The following ADAM9 variants were observed in gnomAD, a reference collection of about 807,000 sequenced individuals.
ADAM9 encodes the protein disintegrin and metalloproteinase domain-containing protein 9.
A neutral mutation model predicts 108.1 loss-of-function variants in ADAM9; 54 were observed. The ratio of observed to expected loss-of-function variants is 0.50; its 90% CI spans 0.40 to 0.63. The LOEUF (loss-of-function observed/expected upper bound fraction) is 0.63. Ranked by LOEUF, ADAM9 falls within the 20% of genes least tolerant of loss-of-function variation. The pLI, the probability that ADAM9 is intolerant of heterozygous loss-of-function variation, is 0.00. For missense variants in ADAM9, 830 were observed against 997.7 expected (o/e 0.83, Z 2.26); for synonymous variants, 316 against 336.0 (o/e 0.94, Z 0.65).
intron 14 of ADAM9, among the ~76,000 whole-genome samples, chr8:39,060,802 C>G (rs759381862): frequency 1.3e-5 from 2 of 152,130 alleles, no homozygotes; most frequent in African/African-American, 2.4e-5. Flanking sequence ...ACATGGGGCT[C>G]CAGAGTTGAT....
intron 14 of ADAM9, among the ~76,000 whole-genome samples, chr8:39,057,038 G>C (rs1165344566): frequency 6.6e-6 from 1 of 152,110 alleles, no homozygotes. Flanking sequence ...GATATGTTTA[G>C]ATACCTTTTC....
In ADAM9 at chr8:39,007,992, T is replaced by A. The variant is rs369891020; in HGVS notation, c.195+9T>A. 81 of 1,569,638 alleles carry A rather than the reference T, an allele frequency of 5.2e-5. No individual in the cohort carries two copies. The highest frequency in any genetic ancestry group is 6.4e-5 in the Non-Finnish European group (73 of 1,142,026). On this transcript the variant is annotated intron_variant, in intron 2 of 21. Coordinates refer to ENST00000487273, the MANE Select transcript of ADAM9 (RefSeq NM_003816.3). ...GGCCCTATTCAAAACAAGTAAGTTA[T>A]AATTGTTGAGAAATAATATGTGGTT... is the stretch of plus-strand genomic sequence containing the variant.
chr8:39,016,992 A>G (rs1836553806), intron 5 of ADAM9: 1 of 538,062 alleles, frequency 1.9e-6, no homozygotes, highest in South Asian at 2.1e-5. Flanking sequence ...TAGATCACTC[A>G]GGGAGGTTAA....
At chr8:39,018,977 T>C (rs1836643751) in intron 7 of ADAM9, 59 bp downstream of exon 7, 2 of 1,432,658 alleles carry the variant, frequency 1.4e-6, no homozygotes, top group African/African-American at 2.8e-5. Context: ...AGTGAGCATT[T>C]AATGAAGGAA....
chr8:39,030,410 T>C (rs911105367), intron 11 of ADAM9, among the ~76,000 whole-genome samples: 4 of 152,210 alleles, frequency 2.6e-5, no homozygotes, highest in Non-Finnish European at 4.4e-5. Flanking sequence ...AGGCTCCTCA[T>C]GTCTTTTCAT....
At chr8:39,023,089 A>C in intron 8 of ADAM9, 67 bp from the exon 9 acceptor site, 2 of 1,385,086 alleles carry the variant, frequency 1.4e-6, no homozygotes, top group African/African-American at 1.4e-5. Context: ...GTGTTACTTC[A>C]TGTGGTTAAA....
At chr8:39,029,423 T>C (rs2064381869) in intron 11 of ADAM9, among the ~76,000 whole-genome samples, 1 of 152,198 alleles carries the variant, frequency 6.6e-6, no homozygotes, top group East Asian at 1.9e-4. Flanking sequence ...TGACTTCTTA[T>C]CTCTTGAATA....
chr8:39,063,172 AT>A (rs1189958789), intron 14 of ADAM9, among the ~76,000 whole-genome samples: 1 of 152,192 alleles, frequency 6.6e-6, no homozygotes, highest in African/African-American at 2.4e-5. Flanking sequence ...GTCTGTGTAA[AT>A]TAGAAAACTC....
At chr8:39,041,752 G>A (rs1365089469) in intron 11 of ADAM9, among the ~76,000 whole-genome samples, 194 bp from the exon 12 acceptor site, 1 of 152,134 alleles carries the variant, frequency 6.6e-6, no homozygotes, top group Admixed American at 6.5e-5. Context: ...TAAGAAAAGT[G>A]AATTATTATA....
intron 11 of ADAM9, among the ~76,000 whole-genome samples, chr8:39,037,639 A>G (rs1166008338): frequency 6.6e-6 from 1 of 151,744 alleles, no homozygotes; most frequent in Non-Finnish European, 1.5e-5. Context: ...GTGGCCTTGA[A>G]TTCCTGGGCT....
chr8:39,044,941 CCT>C (rs1021118095), intron 12 of ADAM9, among the ~76,000 whole-genome samples: 16 of 148,464 alleles, frequency 1.1e-4, no homozygotes, highest in African/African-American at 3.8e-4. Context: ...TGCACACATA[CCT>C]ATGTATGTGT....
At chr8:39,007,622 A>C (rs1383484653) in intron 1 of ADAM9, among the ~76,000 whole-genome samples, 1 of 152,220 alleles carries the variant, frequency 6.6e-6, no homozygotes, top group Non-Finnish European at 1.5e-5. Context: ...GTTTGAAATG[A>C]TTGCTATGTA....
chr8:39,101,183 A>G (rs1458702055), intron 20 of ADAM9, among the ~76,000 whole-genome samples: 4 of 152,244 alleles, frequency 2.6e-5, no homozygotes, highest in Non-Finnish European at 5.9e-5. Context: ...AGAATTAAGT[A>G]TTCCACATTC....
chr8:39,006,639 G>C (rs1053322553), intron 1 of ADAM9, among the ~76,000 whole-genome samples: 1 of 151,576 alleles, frequency 6.6e-6, no homozygotes, highest in African/African-American at 2.4e-5. Context: ...CTTATCGAGA[G>C]ACTATGTATT....
intron 18 of ADAM9, among the ~76,000 whole-genome samples, chr8:39,089,356 T>C (rs1377358410): frequency 2.0e-5 from 3 of 152,244 alleles, no homozygotes; most frequent in Non-Finnish European, 2.9e-5. Flanking sequence ...TCCGGAAATT[T>C]GGCTCTGTGG....
Position 39,082,665 on chromosome 8 carries a change from G to A in ADAM9, c.1906G>A (p.Asp636Asn). 1 of 1,611,114 alleles carries A rather than the reference G, an allele frequency of 6.2e-7. No homozygotes were observed. Among genetic ancestry groups the A allele is most frequent in the Non-Finnish European group, 8.5e-7 (1 of 1,178,494 alleles). ...GKICRNFQCV[D>N]ASVLNYDCDV... The stretch of plus-strand genomic sequence containing the variant: ...GATCTGTAGAAACTTCCAGTGTGTA[G>A]ATGCTTCTGTTCTGAATTATGACTG... The change falls in exon 17 of 22, where the codon GAT (aspartate) becomes AAT (asparagine). Residue 636 changes from aspartate (D) to asparagine (N), a missense_variant. Around this residue, in one of 3 missense-constraint regions of ADAM9, gnomAD observed 238 missense variants for 235.7 expected, o/e 1.01. Coordinates refer to ENST00000487273, the MANE Select transcript of ADAM9 (RefSeq NM_003816.3).
chr8:39,095,851 G>A (rs983198109), intron 20 of ADAM9, among the ~76,000 whole-genome samples: 2 of 151,990 alleles, frequency 1.3e-5, no homozygotes, highest in Non-Finnish European at 2.9e-5. Flanking sequence ...GTGATGAATC[G>A]ACACCTTTAC....
chr8:39,038,394 A>G (rs1039200472), intron 11 of ADAM9, among the ~76,000 whole-genome samples: 13 of 152,070 alleles, frequency 8.5e-5, no homozygotes, highest in Non-Finnish European at 7.4e-5. Context: ...CCTTCTTTCT[A>G]TAGTGTTTTC....
intron 15 of ADAM9, among the ~76,000 whole-genome samples, chr8:39,074,777 T>C (rs1838800769): frequency 1.3e-5 from 2 of 152,110 alleles, no homozygotes. Flanking sequence ...TTCAGTGACA[T>C]TGATTTATGG....
Sources: gnomAD v4.1 joint callset for allele counts (sites outside exome capture counted in the v4.1 genomes callset) on GRCh38, gnomAD v4.1.1 for gene constraint, gnomAD v4.1.1 regional missense constraint, MANE v1.5 for transcripts, NCBI Gene and HGNC (gene_info 2026-07-23, HGNC 2026-07-21) for gene names.